Variants in DLGAP1 observed in about 807,000 individuals in gnomAD.
The protein encoded by DLGAP1 is disks large-associated protein 1.
A neutral mutation model predicts 90.8 loss-of-function variants in DLGAP1; 11 were observed. The observed-to-expected ratio is 0.12, with a 90% CI of 0.08 to 0.20. DLGAP1 has a LOEUF of 0.20. Among genes scored for constraint, DLGAP1 ranks in the 10% least tolerant of loss-of-function variants. The pLI, the probability that DLGAP1 is intolerant of heterozygous loss-of-function variation, is 1.00. For missense variants in DLGAP1, 1,050 were observed against 1,333.8 expected (o/e 0.79, Z 3.31); for synonymous variants, 558 against 540.7 (o/e 1.03, Z -0.44).
intron 3 of DLGAP1, among the ~76,000 whole-genome samples, chr18:3,895,535 G>A (rs1053889794): frequency 6.6e-6 from 1 of 152,196 alleles, no homozygotes; most frequent in African/African-American, 2.4e-5. Flanking sequence ...ACGCATAGAT[G>A]CATTCGATAA....
intron 2 of DLGAP1, among the ~76,000 whole-genome samples, chr18:4,053,317 G>C (rs112640068): frequency 0.11 from 16,344 of 152,122 alleles, 934 homozygotes; most frequent in Middle Eastern, 0.22. Flanking sequence ...CAGCAGCAAG[G>C]AGAAGTGCAG....
intron 4 of DLGAP1, among the ~76,000 whole-genome samples, chr18:3,862,284 T>C (rs1318496249): frequency 1.3e-5 from 2 of 152,212 alleles, no homozygotes; most frequent in African/African-American, 2.4e-5. Context: ...TGATGATGCA[T>C]TGCCAACTGC....
chr18:4,335,550 TG>T (rs2081051482), intron 1 of DLGAP1, among the ~76,000 whole-genome samples: 1 of 152,094 alleles, frequency 6.6e-6, no homozygotes, highest in African/African-American at 2.4e-5. Flanking sequence ...TTAACTGCAA[TG>T]GGAAGTCCTG....
In DLGAP1 at chr18:4,084,041, G is replaced by A. The variant is rs1281347134; in HGVS notation, c.-159+67139C>T. Among the ~76,000 whole-genome samples, 2 of 152,174 alleles carry A rather than the reference G, an allele frequency of 1.3e-5. No individual in the cohort carries two copies. Among genetic ancestry groups the A allele is most frequent in the Middle Eastern group, 3.4e-3 (1 of 294 alleles). ...AGTGGTGGAAGTAGCTCCAGAAGAT[G>A]GATGGGAGCCAGAAGCGGGATGGAG... On this transcript the variant is annotated intron_variant, in intron 2 of 12. Coordinates refer to ENST00000315677, the MANE Select transcript of DLGAP1 (RefSeq NM_004746.4). This position sits in a 1 kb window ranked among gnomAD's most constrained non-coding sequence, Gnocchi z 4.0.
chr18:4,278,195 T>C (rs895613046), intron 1 of DLGAP1, among the ~76,000 whole-genome samples: 3 of 152,176 alleles, frequency 2.0e-5, no homozygotes, highest in African/African-American at 7.2e-5. Flanking sequence ...GATTTTTGCA[T>C]TTATATAGTA....
rs112004856 is a variant in DLGAP1, at chr18:4,112,848, G to A, written c.-159+38332C>T. On this transcript the variant is annotated intron_variant, in intron 2 of 12. Coordinates refer to ENST00000315677, the MANE Select transcript of DLGAP1 (RefSeq NM_004746.4). Reference sequence around the variant, plus strand: ...ATATTTAGCTCCCAGTTAAAATTGAGAACATGTAGTATTTCATTTTCTGTT... The same window carrying A: ...ATATTTAGCTCCCAGTTAAAATTGAAAACATGTAGTATTTCATTTTCTGTT... 4.5e-3 allele frequency among the ~76,000 whole-genome samples: 692 copies of A among 152,258 alleles called. 5 individuals are homozygous for A. Among genetic ancestry groups the A allele is most frequent in the South Asian group, 0.025 (123 of 4,828 alleles).
intron 10 of DLGAP1, among the ~76,000 whole-genome samples, chr18:3,532,340 G>C (rs1321477271): frequency 3.3e-5 from 5 of 151,978 alleles, no homozygotes; most frequent in Non-Finnish European, 7.4e-5. Context: ...AGCACTTTGG[G>C]AGGCCGAGGC....
intron 1 of DLGAP1, among the ~76,000 whole-genome samples, chr18:4,199,568 G>T (rs540830614): frequency 7.3e-4 from 111 of 152,254 alleles, no homozygotes; most frequent in African/African-American, 2.5e-3. Context: ...GTGAACTGGG[G>T]AAACTGTTCT....
At chr18:4,196,144 TG>T (rs975553052) in intron 1 of DLGAP1, among the ~76,000 whole-genome samples, 1 of 152,140 alleles carries the variant, frequency 6.6e-6, no homozygotes, top group Non-Finnish European at 1.5e-5. Flanking sequence ...ATCTAGGCAC[TG>T]GGTTGTCATT....
At chr18:4,280,116 C>A (rs1022013455) in intron 1 of DLGAP1, among the ~76,000 whole-genome samples, 4 of 152,042 alleles carry the variant, frequency 2.6e-5, no homozygotes, top group African/African-American at 9.7e-5. Context: ...TTAGCTTCAA[C>A]ATGAACTTCA....
chr18:3,502,990 G>GAAAAAAAAAATGTCTGAAA (rs2050024658), intron 11 of DLGAP1, among the ~76,000 whole-genome samples: 1 of 146,664 alleles, frequency 6.8e-6, no homozygotes, highest in East Asian at 2.0e-4. Flanking sequence ...TGACATTTCT[G>GAAAAAAAAAATGTCTGAAA]AAAAAAAAAA....
At chr18:3,851,778 C>T (rs1004653687) in intron 4 of DLGAP1, among the ~76,000 whole-genome samples, 1 of 151,914 alleles carries the variant, frequency 6.6e-6, no homozygotes, top group Non-Finnish European at 1.5e-5. Flanking sequence ...AAAGCATAAC[C>T]CAACATTGTT....
intron 1 of DLGAP1, among the ~76,000 whole-genome samples, chr18:4,432,589 AGTGTGTGTGTGTGTGTGT>A (rs545618675): frequency 9.0e-6 from 1 of 111,394 alleles, no homozygotes; most frequent in Non-Finnish European, 2.1e-5. Context: ...CACCTCACAT[AGTGTGTGTGTGTGTGTGT>A]GTGTGTGTGT....
At chr18:4,304,422 A>G (rs962668318) in intron 1 of DLGAP1, among the ~76,000 whole-genome samples, 2 of 152,222 alleles carry the variant, frequency 1.3e-5, no homozygotes, top group African/African-American at 4.8e-5. Flanking sequence ...GCTTTTTCAT[A>G]TTAATGTTTG....
At chr18:3,900,920 T>A (rs2071768774) in intron 3 of DLGAP1, among the ~76,000 whole-genome samples, 3 of 152,074 alleles carry the variant, frequency 2.0e-5, no homozygotes, top group Admixed American at 2.0e-4. Flanking sequence ...CCCCTCGACC[T>A]CGTTATTTTC....
At chr18:3,767,979 A>G (rs1427232874) in intron 5 of DLGAP1, among the ~76,000 whole-genome samples, 3 of 152,116 alleles carry the variant, frequency 2.0e-5, no homozygotes, top group African/African-American at 7.2e-5. Context: ...TAGGCTCAAA[A>G]CCACCACCTA....
At chr18:4,375,743 TGG>T (rs1018813946) in intron 1 of DLGAP1, among the ~76,000 whole-genome samples, 3 of 152,176 alleles carry the variant, frequency 2.0e-5, no homozygotes, top group African/African-American at 7.2e-5. Flanking sequence ...TGCAAAAGCC[TGG>T]TAAGTAAGAA....
intron 1 of DLGAP1, among the ~76,000 whole-genome samples, chr18:4,437,512 A>G (rs1299831483): frequency 2.0e-5 from 3 of 152,190 alleles, no homozygotes; most frequent in African/African-American, 7.2e-5. Context: ...TATAATGTAA[A>G]TGTTATCTAA....
chr18:3,988,357 G>A (rs190909271), intron 3 of DLGAP1, among the ~76,000 whole-genome samples: 12 of 152,154 alleles, frequency 7.9e-5, no homozygotes, highest in African/African-American at 9.6e-5. Flanking sequence ...GTCACTTGCC[G>A]CTCACTGATA....
Sources: gnomAD v4.1 joint callset for allele counts (sites outside exome capture counted in the v4.1 genomes callset) on GRCh38, gnomAD v4.1.1 for gene constraint, Gnocchi (gnomAD v3.1) non-coding constraint, MANE v1.5 for transcripts, NCBI Gene and HGNC (gene_info 2026-07-23, HGNC 2026-07-21) for gene names.